Variants in CHMP3 observed in about 807,000 individuals in gnomAD.
CHMP3 encodes the protein charged multivesicular body protein 3.
In CHMP3, 8 loss-of-function variants were observed where a neutral mutation model predicts 27.4. The observed-to-expected ratio is 0.29, with a 90% CI of 0.17 to 0.53. CHMP3 has a LOEUF of 0.53. Among genes scored for constraint, CHMP3 ranks in the 20% least tolerant of loss-of-function variants. The pLI, the probability that CHMP3 is intolerant of heterozygous loss-of-function variation, is 0.96. For missense variants in CHMP3, 208 were observed against 271.5 expected (o/e 0.77, Z 1.64); for synonymous variants, 86 against 85.5 (o/e 1.01, Z -0.03).
chr2:86,563,062 G>A (rs1677451732), intron 1 of CHMP3: 3 of 463,828 alleles, frequency 6.5e-6, no homozygotes, highest in Non-Finnish European at 7.8e-6. Flanking sequence ...CAGTGGCGAG[G>A]TGGAGAAACT....
intron 3 of CHMP3, among the ~76,000 whole-genome samples, chr2:86,528,342 A>C (rs1675793668): frequency 1.3e-5 from 2 of 152,160 alleles, no homozygotes; most frequent in African/African-American, 4.8e-5. Context: ...TTTTTTAGAC[A>C]CAGTCTTGCT....
At chr2:86,534,522 T>C (rs1676051224) in intron 2 of CHMP3, among the ~76,000 whole-genome samples, 1 of 152,184 alleles carries the variant, frequency 6.6e-6, no homozygotes, top group Non-Finnish European at 1.5e-5. Flanking sequence ...CCTGTTTTCC[T>C]ACCTAATTCC....
At chr2:86,529,519 A>C (rs1675833671) in intron 2 of CHMP3, 122 bp from the exon 3 acceptor site, 3 of 943,086 alleles carry the variant, frequency 3.2e-6, no homozygotes. Flanking sequence ...GATATACATA[A>C]AATCAAAATA....
chr2:86,559,803 T>C (rs1314040097), intron 1 of CHMP3, among the ~76,000 whole-genome samples: 2 of 152,200 alleles, frequency 1.3e-5, no homozygotes, highest in Non-Finnish European at 2.9e-5. Context: ...AACCCATTCA[T>C]AGGCAGGAAG....
intron 2 of CHMP3, among the ~76,000 whole-genome samples, chr2:86,536,741 A>G (rs956948022): frequency 6.6e-6 from 1 of 152,152 alleles, no homozygotes; most frequent in African/African-American, 2.4e-5. Flanking sequence ...TTATATTCCT[A>G]TCTTTCATCA....
In CHMP3 at chr2:86,551,535, G is replaced by A. The variant is rs370089546; in HGVS notation, c.46-9223C>T. On this transcript the variant is annotated intron_variant, in intron 1 of 5. Coordinates refer to ENST00000263856, the MANE Select transcript of CHMP3 (RefSeq NM_016079.4). ...GCCTCCCAAAGTGCTGGGATTACAG[G>A]TGTGAGCCACCATGCCCGGCCATGA... 1.2e-4 allele frequency among the ~76,000 whole-genome samples: 18 copies of A among 152,226 alleles called. No individual in the cohort carries two copies. The East Asian group carries it at 2.3e-3, about 20-fold the overall frequency.
chr2:86,556,364 G>A (rs1677121303), intron 1 of CHMP3, among the ~76,000 whole-genome samples: 1 of 152,168 alleles, frequency 6.6e-6, no homozygotes, highest in African/African-American at 2.4e-5. Flanking sequence ...GCCTATTCCT[G>A]TCACTGTCAG....
intron 3 of CHMP3, among the ~76,000 whole-genome samples, chr2:86,526,682 C>CTCTCTA (rs1553405339): frequency 2.7e-5 from 4 of 149,482 alleles, no homozygotes; most frequent in African/African-American, 9.9e-5. Context: ...CTCTCTCTCT[C>CTCTCTA]TATATATATA....
chr2:86,563,208 G>T (rs968236236), intron 1 of CHMP3, 96 bp downstream of exon 1: 2 of 1,444,676 alleles, frequency 1.4e-6, no homozygotes, highest in African/African-American at 2.8e-5. Context: ...GGGCGGTATC[G>T]GGCAGGCGGT....
intron 1 of CHMP3, among the ~76,000 whole-genome samples, chr2:86,560,848 A>G (rs935102011): frequency 6.6e-6 from 1 of 152,166 alleles, no homozygotes; most frequent in Non-Finnish European, 1.5e-5. Context: ...CTTACATGGC[A>G]GGAGCAAGAG....
intron 1 of CHMP3, chr2:86,562,817 G>C (rs76197652): frequency 6.5e-6 from 1 of 154,002 alleles, no homozygotes; most frequent in Non-Finnish European, 1.5e-5. Flanking sequence ...GGGGAAAGAG[G>C]AAACTGAGCC....
At chr2:86,527,430 A>T (rs1249537104) in intron 3 of CHMP3, among the ~76,000 whole-genome samples, 3 of 152,234 alleles carry the variant, frequency 2.0e-5, no homozygotes, top group African/African-American at 7.2e-5. Context: ...AAACAAGCTT[A>T]TCATGGTCAA....
chr2:86,531,432 C>T (rs1348337521), intron 2 of CHMP3, among the ~76,000 whole-genome samples: 1 of 152,048 alleles, frequency 6.6e-6, no homozygotes, highest in Non-Finnish European at 1.5e-5. Context: ...TATTCACAGG[C>T]ATGATTATAG....
intron 2 of CHMP3, among the ~76,000 whole-genome samples, chr2:86,537,372 CTT>C (rs1452101323): frequency 6.6e-6 from 1 of 152,160 alleles, no homozygotes; most frequent in Non-Finnish European, 1.5e-5. Flanking sequence ...TTTGTTCACA[CTT>C]CGTTTTTTAA....
At chr2:86,526,777 C>T (rs1355208993) in intron 3 of CHMP3, among the ~76,000 whole-genome samples, 1 of 151,438 alleles carries the variant, frequency 6.6e-6, no homozygotes, top group Non-Finnish European at 1.5e-5. Context: ...ATTATGTTTC[C>T]CAGGCTGGTT....
Position 86,529,288 on chromosome 2 carries a change from CT to C in CHMP3, c.215del (p.Lys72ArgfsTer3). 6.2e-7 allele frequency: 1 copy of C among 1,613,610 alleles called. No homozygotes were observed. Among genetic ancestry groups the C allele is most frequent in the Non-Finnish European group, 8.5e-7 (1 of 1,179,812 alleles). On this transcript the variant is annotated frameshift_variant, in exon 3 of 6. Coordinates refer to ENST00000263856, the MANE Select transcript of CHMP3 (RefSeq NM_016079.4). LOFTEE classifies it high-confidence loss of function. ...TGGATGCATACAGCTTGCTCACAGC[CT>C]TCCTTGACCTGATCATCTCCTTGGC... ...VLAKEMIRSR[K>X]AVSKLYASKA...
chr2:86,514,902 C>CA (rs1675237511), intron 3 of CHMP3, among the ~76,000 whole-genome samples: 1 of 151,968 alleles, frequency 6.6e-6, no homozygotes, highest in Admixed American at 6.6e-5. Context: ...CCACATCCCC[C>CA]AAAAAAGGTT....
At position 86,505,195 on chromosome 2, in the gene CHMP3, GCAGCCAC is replaced by G. The variant is rs1674844308; in HGVS notation, c.*602_*608del. 6.5e-6 allele frequency: 1 copy of G among 152,694 alleles called. No individual in the cohort carries two copies. Among genetic ancestry groups the G allele is most frequent in the African/African-American group, 2.4e-5 (1 of 41,442 alleles). The allele number at this position is 152,694 out of a possible 1,614,324, so 9.5% of individuals were successfully genotyped here. On this transcript the variant is annotated 3_prime_UTR_variant, in exon 6 of 6. Transcript: ENST00000263856. ...CCACATGCACACCCCAGGACATAAT[GCAGCCAC>G]CAGCCAACAGGACAAGCAGCACAAT...
chr2:86,506,470 A>G (rs1182280487), intron 5 of CHMP3, among the ~76,000 whole-genome samples: 2 of 152,176 alleles, frequency 1.3e-5, no homozygotes, highest in African/African-American at 4.8e-5. Context: ...TTTTTACACA[A>G]AAGTATGTAT....
Sources: gnomAD v4.1 joint callset for allele counts (sites outside exome capture counted in the v4.1 genomes callset) on GRCh38, gnomAD v4.1.1 for gene constraint, MANE v1.5 for transcripts, NCBI Gene and HGNC (gene_info 2026-07-23, HGNC 2026-07-21) for gene names.